Variants in GRM1 observed in about 807,000 individuals in gnomAD.
The protein encoded by GRM1 is glutamate metabotropic receptor 1.
A neutral mutation model predicts 90.9 loss-of-function variants in GRM1; 33 were observed. The observed-to-expected ratio is 0.36, with a 90% CI of 0.28 to 0.49. GRM1 has a LOEUF of 0.49. GRM1 is among the 20% of genes least tolerant of loss of function. The probability of loss-of-function intolerance (pLI) is 0.99; values close to 1 mark genes in which losing one functional copy is unlikely to be tolerated. For missense variants in GRM1, 1,190 were observed against 1,534.3 expected (o/e 0.78, Z 3.75); for synonymous variants, 700 against 613.2 (o/e 1.14, Z -2.09).
At position 146,279,236 on chromosome 6, in the gene GRM1, CTCTG is replaced by C. The variant is rs879671353; in HGVS notation, c.951-25371_951-25368del. 3.1e-3 allele frequency among the ~76,000 whole-genome samples: 471 copies of C among 152,156 alleles called. 3 individuals are homozygous for C. Among genetic ancestry groups the C allele is most frequent in the African/African-American group, 0.011 (452 of 41,530 alleles). On this transcript the variant is annotated intron_variant, in intron 2 of 7. Transcript: ENST00000282753. The stretch of plus-strand genomic sequence containing the variant: ...CTATTATTGATCATTTATATCTGCT[CTCTG>C]TCTCTCTCTTTCAGTATATCTAGAG...
At chr6:146,085,977 A>T (rs1482443998) in intron 1 of GRM1, among the ~76,000 whole-genome samples, 1 of 152,134 alleles carries the variant, frequency 6.6e-6, no homozygotes, top group Non-Finnish European at 1.5e-5. Flanking sequence ...GTGCTGGCAT[A>T]CTCTATGTGA....
intron 1 of GRM1, among the ~76,000 whole-genome samples, chr6:146,032,080 T>G (rs1262929728): frequency 1.3e-5 from 2 of 152,178 alleles, no homozygotes; most frequent in Non-Finnish European, 1.5e-5. Context: ...TAGAATTATG[T>G]TTTTGGAAAA....
intron 5 of GRM1, among the ~76,000 whole-genome samples, chr6:146,368,882 C>T (rs987012570): frequency 3.3e-5 from 5 of 151,904 alleles, no homozygotes; most frequent in Non-Finnish European, 7.4e-5. Context: ...TGGAAGAATT[C>T]ACTTCTCTTC....
Position 146,322,574 on chromosome 6 carries a change from C to CTTTTCTTTTATTTTA in GRM1, c.1186+17732_1186+17733insCTTTTATTTTATTTT, listed in dbSNP as rs375962682. ...GCACCTGACTGGGGCTGCTGCCTTT[C>CTTTTCTTTTATTTTA]TTTTATTTTATTTTATTTTATTTTA... is the stretch of plus-strand genomic sequence containing the variant. On this transcript the variant is annotated intron_variant, in intron 3 of 7. Coordinates refer to ENST00000282753, the MANE Select transcript of GRM1 (RefSeq NM_001278064.2). Among the ~76,000 whole-genome samples the CTTTTCTTTTATTTTA allele has an allele frequency of 2.8e-3, 404 of 144,964 alleles. 2 individuals are homozygous for CTTTTCTTTTATTTTA. Among genetic ancestry groups the CTTTTCTTTTATTTTA allele is most frequent in the African/African-American group, 9.6e-3 (357 of 37,182 alleles).
chr6:146,342,814 A>G (rs1461499797), intron 3 of GRM1, among the ~76,000 whole-genome samples: 1 of 152,252 alleles, frequency 6.6e-6, no homozygotes, highest in Non-Finnish European at 1.5e-5. Flanking sequence ...ATACTGTTAA[A>G]GAAAAGTTGC....
At chr6:146,258,463 C>CT (rs11427127) in intron 2 of GRM1, among the ~76,000 whole-genome samples, 31,689 of 152,008 alleles carry the variant, frequency 0.21, 7,306 homozygotes, top group African/African-American at 0.58. Flanking sequence ...CTTTCTGCCT[C>CT]TTTTTGTTTC....
intron 2 of GRM1, among the ~76,000 whole-genome samples, chr6:146,302,650 C>T (rs1271621064): frequency 6.6e-6 from 1 of 151,584 alleles, no homozygotes; most frequent in African/African-American, 2.4e-5. Flanking sequence ...CTTGGCCTCC[C>T]AAAGTCCTAG....
At chr6:146,311,307 A>G (rs1749333687) in intron 3 of GRM1, among the ~76,000 whole-genome samples, 1 of 152,212 alleles carries the variant, frequency 6.6e-6, no homozygotes, top group South Asian at 2.1e-4. Flanking sequence ...CTCTCAAAAT[A>G]AAACAGTCAT....
intron 2 of GRM1, among the ~76,000 whole-genome samples, chr6:146,231,165 A>AT (rs1378960450): frequency 2.0e-5 from 3 of 152,118 alleles, no homozygotes; most frequent in Non-Finnish European, 4.4e-5. Context: ...ACTTTTGGTG[A>AT]TTATGATGTG....
At chr6:146,203,192 A>T (rs574569591) in intron 2 of GRM1, among the ~76,000 whole-genome samples, 3 of 141,786 alleles carry the variant, frequency 2.1e-5, no homozygotes, top group East Asian at 2.1e-4. Context: ...ACTCCGTCTC[A>T]AAATAAATAA....
chr6:146,205,255 C>A (rs79065778), intron 2 of GRM1, among the ~76,000 whole-genome samples: 5,734 of 152,172 alleles, frequency 0.038, 150 homozygotes, highest in Non-Finnish European at 0.059. Context: ...TAATTTCTTT[C>A]TTTATTGTGA....
intron 1 of GRM1, among the ~76,000 whole-genome samples, chr6:146,120,365 C>A (rs1033317756): frequency 6.6e-6 from 1 of 152,136 alleles, no homozygotes; most frequent in African/African-American, 2.4e-5. Context: ...TCTAGATATA[C>A]AATCATGTCA....
chr6:146,132,583 T>C (rs1405032101), intron 1 of GRM1, among the ~76,000 whole-genome samples: 1 of 152,182 alleles, frequency 6.6e-6, no homozygotes, highest in Non-Finnish European at 1.5e-5. Context: ...TCTCCTCTTG[T>C]TTTGTTAACT....
At chr6:146,078,986 G>C (rs1236310692) in intron 1 of GRM1, among the ~76,000 whole-genome samples, 2 of 152,150 alleles carry the variant, frequency 1.3e-5, no homozygotes, top group Non-Finnish European at 2.9e-5. Context: ...CACAAAGTGG[G>C]AGGGGTTCCT....
chr6:146,337,406 C>A (rs1451550262), intron 3 of GRM1, among the ~76,000 whole-genome samples: 1 of 152,156 alleles, frequency 6.6e-6, no homozygotes. Context: ...ATTTGGCCAA[C>A]TAATAATGAA....
intron 1 of GRM1, among the ~76,000 whole-genome samples, chr6:146,060,559 A>G (rs1775629373): frequency 6.6e-6 from 1 of 152,066 alleles, no homozygotes; most frequent in Non-Finnish European, 1.5e-5. Context: ...CTCCATCTAC[A>G]TTGCTGCAGA....
At chr6:146,028,265 G>GTA (rs1294389485), upstream of GRM1, among the ~76,000 whole-genome samples, 8 of 128,002 alleles carry the variant, frequency 6.2e-5, no homozygotes, top group African/African-American at 2.0e-4. Context: ...GTGTGTGTGT[G>GTA]TGTGTGTGTG....
intron 1 of GRM1, among the ~76,000 whole-genome samples, chr6:146,108,079 T>G (rs889951281): frequency 6.6e-6 from 1 of 152,204 alleles, no homozygotes; most frequent in African/African-American, 2.4e-5. Flanking sequence ...ACCTTCACAT[T>G]GACAGTGTGA....
intron 1 of GRM1, among the ~76,000 whole-genome samples, chr6:146,134,815 C>A (rs1776552874): frequency 6.6e-6 from 1 of 152,292 alleles, no homozygotes; most frequent in South Asian, 2.1e-4. Context: ...CCTGTAGTCC[C>A]AGCTACTCGG....
Sources: allele counts gnomAD v4.1 joint callset (sites outside exome capture counted in the v4.1 genomes callset), GRCh38; gene constraint gnomAD v4.1.1; transcripts MANE v1.5; gene names NCBI Gene and HGNC (gene_info 2026-07-23, HGNC 2026-07-21).